CYFIP2: variants seen among roughly 807,000 people sequenced by gnomAD.
CYFIP2 encodes cytoplasmic FMR1 interacting protein 2.
Under a neutral mutation model 158.7 loss-of-function variants are expected in CYFIP2, and 29 were observed. The observed-to-expected ratio is 0.18, with a 90% CI of 0.14 to 0.25. The LOEUF (loss-of-function observed/expected upper bound fraction) is 0.25. CYFIP2 is among the 10% of genes least tolerant of loss of function. The pLI is 1.00. For synonymous variants in CYFIP2, 585 were observed against 617.6 expected, an observed-to-expected ratio of 0.95 and a Z score of 0.78; for missense variants, 852 against 1,639.5, an observed-to-expected ratio of 0.52 and a Z score of 8.29.
intron 11 of CYFIP2, 57 bp from the exon 12 acceptor site, chr5:157,314,287 T>C: frequency 6.3e-7 from 1 of 1,578,446 alleles, no homozygotes; most frequent in South Asian, 1.2e-5. Flanking sequence ...ATCAATGAGA[T>C]AACATATAAA....
Position 157,311,543 on chromosome 5 carries a change from T to C in CYFIP2, c.993-121T>C. 1.3e-6 allele frequency: 1 copy of C among 766,324 alleles called. No homozygotes were observed. The allele number at this position is 766,324 out of a possible 1,614,324, so 47.5% of individuals were successfully genotyped here. Reference sequence around the variant, plus strand: ...GGCTTTCTTGCTGAGGCGGCTGGGATACCATTTGGTGTCACCCAGGGGAGT... The same window carrying C: ...GGCTTTCTTGCTGAGGCGGCTGGGACACCATTTGGTGTCACCCAGGGGAGT... On this transcript the variant is annotated intron_variant, in intron 10 of 30. Transcript: ENST00000620254. The surrounding 1 kb of genome is among the most constrained non-coding windows in gnomAD (Gnocchi z 4.7).
chr5:157,378,441 T>C (rs1765699757), intron 26 of CYFIP2, among the ~76,000 whole-genome samples: 1 of 152,212 alleles, frequency 6.6e-6, no homozygotes, highest in African/African-American at 2.4e-5. Context: ...CTGAAGTTTC[T>C]TAGGTGTTAA....
At chr5:157,368,152 C>G (rs1484518107) in intron 26 of CYFIP2, among the ~76,000 whole-genome samples, 2 of 152,212 alleles carry the variant, frequency 1.3e-5, no homozygotes, top group Non-Finnish European at 2.9e-5. Flanking sequence ...AAGCAGTACT[C>G]ACCAAAGTGA....
chr5:157,361,679 A>G lies in CYFIP2; in HGVS notation c.3039+81A>G. On this transcript the variant is annotated intron_variant, in intron 26 of 30. Transcript: ENST00000620254. The surrounding 1 kb of genome is among the most constrained non-coding windows in gnomAD (Gnocchi z 4.4). ...CCCAAGCAGATATTGAGGCTCCTGC[A>G]GCATTGATTTGTGCTTTGAGTACAA... 6.4e-7 allele frequency: 1 copy of G among 1,558,944 alleles called. No homozygotes were observed. Among genetic ancestry groups the G allele is most frequent in the Middle Eastern group, 1.7e-4 (1 of 5,890 alleles).
Position 157,307,763 on chromosome 5 carries a change from G to A in CYFIP2, c.798G>A (p.Val266=). The change falls in exon 9 of 31, where the codon GTG becomes GTA. Residue 266 remains valine (V), a splice_region_variant and synonymous_variant. Coordinates refer to ENST00000620254, the MANE Select transcript of CYFIP2 (RefSeq NM_001037333.3). ...TPSEKHMLLK[V]MGFGLYLMDG... ...GCTCTGCCCTCTTCTCATTCTAGGTGATGGGCTTTGGCCTCTACCTAATGG... is the reference window on the plus strand; with the variant it reads ...GCTCTGCCCTCTTCTCATTCTAGGTAATGGGCTTTGGCCTCTACCTAATGG... 2 of 1,598,784 alleles carry A rather than the reference G, an allele frequency of 1.3e-6. No homozygotes were observed. Among genetic ancestry groups the A allele is most frequent in the Non-Finnish European group, 1.7e-6 (2 of 1,168,098 alleles).
At chr5:157,286,185 A>G (rs1252641583) in intron 2 of CYFIP2, among the ~76,000 whole-genome samples, 1 of 152,164 alleles carries the variant, frequency 6.6e-6, no homozygotes, top group Non-Finnish European at 1.5e-5. Context: ...CATAAACTTC[A>G]TTGATTCACA....
chr5:157,332,903 T>C (rs1761582828), intron 20 of CYFIP2, among the ~76,000 whole-genome samples: 1 of 152,190 alleles, frequency 6.6e-6, no homozygotes, highest in African/African-American at 2.4e-5. Context: ...GTTGCAGGAC[T>C]TTTTCTCAGT....
chr5:157,368,377 C>T (rs1397640504), intron 26 of CYFIP2, among the ~76,000 whole-genome samples: 1 of 152,190 alleles, frequency 6.6e-6, no homozygotes, highest in Admixed American at 6.5e-5. Flanking sequence ...CCCTCTCAGA[C>T]CGTCACTCCA....
chr5:157,338,225 TG>T (rs1331331032), intron 21 of CYFIP2, among the ~76,000 whole-genome samples: 1 of 152,242 alleles, frequency 6.6e-6, no homozygotes, highest in Admixed American at 6.5e-5. Flanking sequence ...TGCCTGAAGA[TG>T]GGTTTCCTTC....
chr5:157,367,751 CTTTT>C (rs373446663), intron 26 of CYFIP2, among the ~76,000 whole-genome samples: 167 of 123,572 alleles, frequency 1.4e-3, no homozygotes, highest in African/African-American at 4.8e-3. Flanking sequence ...CCTCTGTTCA[CTTTT>C]TTTTTTTTTT....
At chr5:157,360,433 C>A (rs1744421079) in intron 25 of CYFIP2, 61 bp downstream of exon 25, 1 of 1,405,624 alleles carries the variant, frequency 7.1e-7, no homozygotes, top group South Asian at 1.3e-5. Context: ...TCTGACCATC[C>A]ACCTTAGAGC....
At chr5:157,340,274 C>T (rs997555498) in intron 22 of CYFIP2, among the ~76,000 whole-genome samples, 3 of 152,224 alleles carry the variant, frequency 2.0e-5, no homozygotes, top group African/African-American at 7.2e-5. Flanking sequence ...TATCTCCAAG[C>T]CTTGGCTCAA....
intron 20 of CYFIP2, among the ~76,000 whole-genome samples, chr5:157,331,343 A>G (rs751852809): frequency 6.6e-6 from 1 of 150,454 alleles, no homozygotes; most frequent in African/African-American, 2.5e-5. Flanking sequence ...GAACTGAGAA[A>G]CATCCCCATT....
chr5:157,381,547 A>G lies in CYFIP2; in HGVS notation c.3040-1043A>G, dbSNP rs867703032. On this transcript the variant is annotated intron_variant, in intron 26 of 30. Transcript: ENST00000620254. Reference sequence around the variant, plus strand: ...CGTTTCACAAAAAAAAAAAAAAAAAAGGGGTGAGGGGGAAGTTTCCCCTCT... The same window carrying G: ...CGTTTCACAAAAAAAAAAAAAAAAAGGGGGTGAGGGGGAAGTTTCCCCTCT... Among the ~76,000 whole-genome samples, 524 of 149,330 alleles carry G rather than the reference A, an allele frequency of 3.5e-3. 6 individuals carry two copies. Among genetic ancestry groups the G allele is most frequent in the African/African-American group, 0.01 (413 of 40,288 alleles).
In CYFIP2 at chr5:157,358,071, C is replaced by T. The variant is rs181432434; in HGVS notation, c.2674-934C>T. Among the ~76,000 whole-genome samples, 24 of 152,238 alleles carry T rather than the reference C, an allele frequency of 1.6e-4. No homozygotes were observed. In the East Asian group the frequency reaches 4.4e-3, roughly 28 times the overall value. On this transcript the variant is annotated intron_variant, in intron 23 of 30. Transcript: ENST00000620254. ...ACATAGATTTGTCGGGTGGATTAAA[C>T]AATAGTGCACCTGGAGGGTTTCACA...
At position 157,304,426 on chromosome 5, in the gene CYFIP2, A is replaced by G. The variant is rs1006167001; in HGVS notation, c.795+60A>G. The G allele has an allele frequency of 3.5e-5, 54 of 1,532,268 alleles. No individual in the cohort carries two copies. In the Middle Eastern group the frequency reaches 1.4e-3, roughly 40 times the overall value. The allele number at this position is 1,532,268 out of a possible 1,614,324, so 94.9% of individuals were successfully genotyped here. A position where few individuals can be genotyped will look rare whatever the true frequency, so the allele number is the denominator to read the frequency against. ...GGGCTTACCCTCTCACCTTCTTCTT[A>G]TTAAAAATCCGTTTTAAAAAACAAT... is the stretch of plus-strand genomic sequence containing the variant. On this transcript the variant is annotated intron_variant, in intron 8 of 30. Transcript: ENST00000620254.
chr5:157,368,981 C>T (rs964334492), intron 26 of CYFIP2, among the ~76,000 whole-genome samples: 1 of 151,832 alleles, frequency 6.6e-6, no homozygotes, highest in Non-Finnish European at 1.5e-5. Context: ...TCACTGCAGC[C>T]TCCACCTCCT....
intron 6 of CYFIP2, among the ~76,000 whole-genome samples, chr5:157,301,923 G>C (rs1363590418): frequency 1.3e-5 from 2 of 152,146 alleles, no homozygotes; most frequent in Non-Finnish European, 2.9e-5. Context: ...AAGGTAACTA[G>C]AGAAAACAGA....
chr5:157,375,640 T>TC, intron 26 of CYFIP2: 1 of 151,434 alleles, frequency 6.6e-6, no homozygotes, highest in Non-Finnish European at 1.5e-5. Flanking sequence ...TTTTGCGATT[T>TC]TTTTTTTTTT....
Sources: allele counts gnomAD v4.1 joint callset (sites outside exome capture counted in the v4.1 genomes callset), GRCh38; gene constraint gnomAD v4.1.1; non-coding constraint Gnocchi (gnomAD v3.1); transcripts MANE v1.5; gene names NCBI Gene and HGNC (gene_info 2026-07-23, HGNC 2026-07-21).